IFT122: variants seen among roughly 807,000 people sequenced by gnomAD.
IFT122 encodes the protein intraflagellar transport protein 122 homolog.
A neutral mutation model predicts 161.6 loss-of-function variants in IFT122; 118 were observed. The observed-to-expected ratio is 0.73, with a 90% confidence interval of 0.63 to 0.85. The LOEUF is 0.85. IFT122 is among the 40% of genes least tolerant of loss of function. The pLI is 0.00. For synonymous variants in IFT122, 550 were observed against 602.4 expected (o/e 0.91, Z 1.27); for missense variants, 1,381 against 1,579.6 (o/e 0.87, Z 2.13).
chr3:129,473,903 A>G (rs185009123), intron 9 of IFT122, among the ~76,000 whole-genome samples: 63 of 150,602 alleles, frequency 4.2e-4, no homozygotes, highest in African/African-American at 1.4e-3. Context: ...GTTGTTGTTT[A>G]TAGTTGGTCC....
chr3:129,471,416 C>T (rs1190464347), intron 9 of IFT122, among the ~76,000 whole-genome samples: 1 of 152,148 alleles, frequency 6.6e-6, no homozygotes, highest in Non-Finnish European at 1.5e-5. Flanking sequence ...AATGTGTGTA[C>T]ATCATCATTC....
At chr3:129,519,432 G>A (rs999281445) in intron 28 of IFT122, 136 bp from the exon 29 acceptor site, 4 of 1,245,796 alleles carry the variant, frequency 3.2e-6, no homozygotes, top group South Asian at 1.3e-5. Context: ...GGAGGAGCTT[G>A]CCACTGTTAG....
chr3:129,512,361 GGT>G lies in IFT122; in HGVS notation c.2937_2938del (p.Arg979SerfsTer16), dbSNP rs1268963562. 4 of 1,613,984 alleles carry G rather than the reference GGT, an allele frequency of 2.5e-6. No homozygotes were observed. Among genetic ancestry groups the G allele is most frequent in the Non-Finnish European group, 2.5e-6 (3 of 1,180,004 alleles). On this transcript the variant is annotated frameshift_variant, in exon 24 of 30. Coordinates refer to ENST00000348417, the MANE Select transcript of IFT122 (RefSeq NM_052989.3). LOFTEE classifies it high-confidence loss of function. The stretch of plus-strand genomic sequence containing the variant: ...CCTGAAACTCTTTTCAACATCTCCA[GGT>G]TCCTGCTGCACAGCCTGCCCAAGGA...
chr3:129,492,201 G>A lies in IFT122; in HGVS notation c.2046+7G>A. 6.2e-7 allele frequency: 1 copy of A among 1,609,742 alleles called. No homozygotes were observed. The highest frequency in any genetic ancestry group is 8.5e-7 in the Non-Finnish European group (1 of 1,176,098). ...GCTCATCAGCAGCATTGAGGTAAAA[G>A]ATGAAGCATTTTTCCTTCTCAAGAA... On this transcript the variant is annotated splice_region_variant and intron_variant, in intron 17 of 29. Coordinates refer to ENST00000348417, the MANE Select transcript of IFT122 (RefSeq NM_052989.3).
chr3:129,447,209 C>G (rs1420889666), intron 1 of IFT122, among the ~76,000 whole-genome samples: 1 of 152,180 alleles, frequency 6.6e-6, no homozygotes, highest in Non-Finnish European at 1.5e-5. Context: ...ACACAGCCCT[C>G]AGGAGGTCCA....
At chr3:129,467,390 A>G (rs1444071595) in intron 8 of IFT122, among the ~76,000 whole-genome samples, 1 of 152,180 alleles carries the variant, frequency 6.6e-6, no homozygotes, top group Non-Finnish European at 1.5e-5. Context: ...ATAATTAACT[A>G]AGTCATATTC....
At chr3:129,516,715 CACACACACACAG>C (rs1320321132) in intron 26 of IFT122, among the ~76,000 whole-genome samples, 4,600 of 118,668 alleles carry the variant, frequency 0.039, 210 homozygotes, top group Non-Finnish European at 0.048. Context: ...CACACACACA[CACACACACACAG>C]AGAGACTGCC....
In IFT122 at chr3:129,517,510, A is replaced by G. The variant is rs535657700; in HGVS notation, c.3307A>G (p.Thr1103Ala). The G allele has an allele frequency of 1.2e-6, 2 of 1,614,036 alleles. No homozygotes were observed. Among genetic ancestry groups the G allele is most frequent in the Admixed American group, 1.7e-5 (1 of 60,022 alleles). ...LVEFYLEEGI[T>A]DEEAISLIDL... ...TGAGTTCTACCTGGAGGAAGGGATCACTGATGAAGAAGCCATCTCCCTCAT... is the reference window on the plus strand; with the variant it reads ...TGAGTTCTACCTGGAGGAAGGGATCGCTGATGAAGAAGCCATCTCCCTCAT... The change falls in exon 27 of 30, where the codon ACT becomes GCT. Residue 1103 changes from threonine (T) to alanine (A), a missense_variant. Physicochemically the swap from Thr to Ala is moderately conservative, Grantham distance 58 (BLOSUM62 0). This residue lies in a region of IFT122 where 177 missense variants were observed against 199.2 expected (regional missense o/e 0.89). Coordinates refer to ENST00000348417, the MANE Select transcript of IFT122 (RefSeq NM_052989.3).
Position 129,479,785 on chromosome 3 carries a change from G to A in IFT122, c.1351G>A (p.Glu451Lys), listed in dbSNP as rs779783961. The A allele has an allele frequency of 1.2e-6, 2 of 1,613,954 alleles. No individual in the cohort carries two copies. Among genetic ancestry groups the A allele is most frequent in the South Asian group, 2.2e-5 (2 of 91,058 alleles). ...ATGCAGAGCTGGGTTTGCTTCCTAG[G>A]AGAAACGGCTGCAGTGCCTGTCCTT... ...VCANHIILCQ[E>K]KRLQCLSFSG... Residue 451 changes from glutamate to lysine, a missense_variant and splice_region_variant, in exon 13 of 30, where the codon GAG (glutamate) becomes AAG (lysine). Physicochemically the swap from Glu to Lys is moderately conservative, Grantham distance 56. Around this residue, in one of 7 missense-constraint regions of IFT122, gnomAD observed 544 missense variants for 648.0 expected, o/e 0.84. Coordinates refer to ENST00000348417, the MANE Select transcript of IFT122 (RefSeq NM_052989.3).
intron 9 of IFT122, among the ~76,000 whole-genome samples, chr3:129,472,336 T>TC (rs1350132732): frequency 1.3e-5 from 2 of 151,880 alleles, no homozygotes; most frequent in African/African-American, 2.4e-5. Context: ...AAAAAAAATT[T>TC]TTTTTTTTTG....
Position 129,506,437 on chromosome 3 carries a change from A to T in IFT122, c.2679A>T (p.Glu893Asp). 2 of 1,614,176 alleles carry T rather than the reference A, an allele frequency of 1.2e-6. No homozygotes were observed. Among genetic ancestry groups the T allele is most frequent in the Non-Finnish European group, 1.7e-6 (2 of 1,180,042 alleles). The change falls in exon 22 of 30, where the codon GAA becomes GAT. Residue 893 changes from glutamate (E) to aspartate (D), a missense_variant. By Grantham distance (45) the Glu-to-Asp change is conservative. Around this residue, in one of 7 missense-constraint regions of IFT122, gnomAD observed 496 missense variants for 502.5 expected, o/e 0.99. Transcript: ENST00000348417. ...KAFHKAGRQR[E>D]AVQVLEQLTN... ...TCCACAAGGCTGGGCGACAGAGAGAAGCGGTCCAGGTGCTGGAGCAGCTCA... is the reference window on the plus strand; with the variant it reads ...TCCACAAGGCTGGGCGACAGAGAGATGCGGTCCAGGTGCTGGAGCAGCTCA...
At chr3:129,506,663 A>T in intron 22 of IFT122, 114 bp downstream of exon 22, 6 of 1,430,542 alleles carry the variant, frequency 4.2e-6, no homozygotes, top group Admixed American at 1.7e-5. Context: ...TATTGGGTGT[A>T]TTGTCCATAA....
rs772643717 is a variant in IFT122 at position 129,519,229 on chromosome 3, A to C, written c.3471+43A>C. ...GGTGACCTGCAGGAGGGCAGCCTCC[A>C]TCCCTTCTCCTGTGCACATGGGGAC... On this transcript the variant is annotated intron_variant, in intron 28 of 29. Coordinates refer to ENST00000348417, the MANE Select transcript of IFT122 (RefSeq NM_052989.3). The C allele has an allele frequency of 4.6e-6, 7 of 1,534,578 alleles. No homozygotes were observed. In the Admixed American group the frequency reaches 1.2e-4, roughly 26 times the overall value.
At chr3:129,473,274 G>C (rs2077553134) in intron 9 of IFT122, among the ~76,000 whole-genome samples, 1 of 152,212 alleles carries the variant, frequency 6.6e-6, no homozygotes, top group African/African-American at 2.4e-5. Context: ...CAGTGTGGGT[G>C]ACAGAGCAAG....
intron 18 of IFT122, among the ~76,000 whole-genome samples, chr3:129,496,706 C>G (rs1324419875): frequency 6.6e-6 from 1 of 152,180 alleles, no homozygotes; most frequent in African/African-American, 2.4e-5. Flanking sequence ...GTCTTTTCAC[C>G]TTAGTGATTT....
chr3:129,469,460 T>C (rs1384051518), intron 9 of IFT122, 43 bp downstream of exon 9: 15 of 1,437,846 alleles, frequency 1.0e-5, no homozygotes, highest in Non-Finnish European at 1.2e-5. Context: ...ATGCCTGTTA[T>C]ATTTTCATTT....
chr3:129,512,449 G>C, intron 24 of IFT122, 37 bp downstream of exon 24: 1 of 1,398,934 alleles, frequency 7.1e-7, no homozygotes. Context: ...TCCCACCACC[G>C]TTCTTGTCTA....
intron 4 of IFT122, 42 bp downstream of exon 4, chr3:129,458,719 T>G (rs755976988): frequency 2.6e-5 from 36 of 1,397,420 alleles, no homozygotes; most frequent in Non-Finnish European, 3.4e-5. Context: ...TTGATGCTTA[T>G]TGAATAATTG....
rs568935551 is a variant in IFT122, at chr3:129,448,705, T to A, written c.42-1166T>A. ...TTTTTATTTATTTATTTATTTTTTT[T>A]TTTTGAGACGGAGTCTTCCTCCGTC... On this transcript the variant is annotated intron_variant, in intron 1 of 29. Transcript: ENST00000348417. Among the ~76,000 whole-genome samples, 6 of 151,878 alleles carry A rather than the reference T, an allele frequency of 4.0e-5. No homozygotes were observed. The East Asian group carries it at 5.8e-4, about 15-fold the overall frequency.
Sources: allele counts gnomAD v4.1 joint callset (sites outside exome capture counted in the v4.1 genomes callset), GRCh38; gene constraint gnomAD v4.1.1; regional missense constraint gnomAD v4.1.1; transcripts MANE v1.5; gene names NCBI Gene and HGNC (gene_info 2026-07-23, HGNC 2026-07-21).